Variants in BCL2L1 observed in about 807,000 individuals in gnomAD.
The protein encoded by BCL2L1 is BCL2 like 1, also known as bcl-2-like protein 1.
A neutral mutation model predicts 18.7 loss-of-function variants in BCL2L1; 1 was observed. The ratio of observed to expected loss-of-function variants is 0.05; its 90% CI spans 0.02 to 0.25. BCL2L1 has a LOEUF of 0.25. Ranked by LOEUF, BCL2L1 falls within the 10% of genes least tolerant of loss-of-function variation. The pLI is 1.00. For synonymous variants in BCL2L1, 103 were observed against 122.7 expected, an observed-to-expected ratio of 0.84 and a Z score of 1.06; for missense variants, 207 against 304.9, an observed-to-expected ratio of 0.68 and a Z score of 2.39.
intron 2 of BCL2L1, among the ~76,000 whole-genome samples, chr20:31,687,676 C>CA (rs60094670): frequency 0.011 from 901 of 81,140 alleles, 12 homozygotes; most frequent in East Asian, 0.044. Flanking sequence ...GACTCTGTCT[C>CA]AAAAAAAAAA....
intron 2 of BCL2L1, among the ~76,000 whole-genome samples, chr20:31,675,275 C>T (rs1210228730): frequency 1.3e-5 from 2 of 152,230 alleles, no homozygotes; most frequent in African/African-American, 2.4e-5. Flanking sequence ...GACACCAGAA[C>T]TGTACCTTGT....
chr20:31,706,820 A>G (rs146338045), intron 2 of BCL2L1, among the ~76,000 whole-genome samples: 1 of 152,212 alleles, frequency 6.6e-6, no homozygotes, highest in Non-Finnish European at 1.5e-5. Context: ...TTTTTCATCT[A>G]TCATCTCTTT....
chr20:31,702,599 C>T (rs1216950121), intron 2 of BCL2L1, among the ~76,000 whole-genome samples: 4 of 151,780 alleles, frequency 2.6e-5, no homozygotes, highest in African/African-American at 9.7e-5. Flanking sequence ...ACACAACCTC[C>T]GCCTCCCAGG....
chr20:31,708,926 T>G (rs1440854432), intron 2 of BCL2L1, among the ~76,000 whole-genome samples: 1 of 152,158 alleles, frequency 6.6e-6, no homozygotes, highest in Admixed American at 6.5e-5. Context: ...ATCAATCCTT[T>G]GAATCTGCAC....
chr20:31,723,408 T>TG, upstream of BCL2L1: 3 of 985,480 alleles, frequency 3.0e-6, no homozygotes, highest in Non-Finnish European at 2.4e-6. Context: ...CACGTTTTCC[T>TG]GGGGACAGGC....
chr20:31,675,489 G>A (rs1461316730), intron 2 of BCL2L1, among the ~76,000 whole-genome samples: 1 of 152,194 alleles, frequency 6.6e-6, no homozygotes, highest in South Asian at 2.1e-4. Flanking sequence ...GCAGGGAGTT[G>A]CAGGCGGAGA....
intron 2 of BCL2L1, among the ~76,000 whole-genome samples, chr20:31,714,127 C>A (rs1289798230): frequency 6.6e-6 from 1 of 152,210 alleles, no homozygotes; most frequent in East Asian, 1.9e-4. Flanking sequence ...TATCTGTCAA[C>A]AGGAGAGAGC....
intron 2 of BCL2L1, among the ~76,000 whole-genome samples, chr20:31,685,283 C>A (rs1346908492): frequency 1.3e-5 from 2 of 151,908 alleles, no homozygotes; most frequent in African/African-American, 4.8e-5. Flanking sequence ...GTCTGTAGTC[C>A]CACCTACTCG....
intron 2 of BCL2L1, among the ~76,000 whole-genome samples, chr20:31,714,354 C>T (rs1395476073): frequency 1.3e-5 from 2 of 152,164 alleles, no homozygotes; most frequent in Non-Finnish European, 2.9e-5. Context: ...ACCACCATTG[C>T]ACACAAACAC....
At chr20:31,696,871 C>T (rs1410706181) in intron 2 of BCL2L1, among the ~76,000 whole-genome samples, 5 of 151,968 alleles carry the variant, frequency 3.3e-5, no homozygotes, top group Non-Finnish European at 5.9e-5. Context: ...GCCTGGCCAA[C>T]GTGGTCAAAC....
intron 2 of BCL2L1, among the ~76,000 whole-genome samples, chr20:31,676,276 G>A (rs934425281): frequency 6.6e-6 from 1 of 152,160 alleles, no homozygotes; most frequent in African/African-American, 2.4e-5. Flanking sequence ...TAAAGAATTT[G>A]CTTAATCCTC....
chr20:31,697,442 C>CTT (rs781576582), intron 2 of BCL2L1, among the ~76,000 whole-genome samples: 2 of 142,720 alleles, frequency 1.4e-5, no homozygotes. Flanking sequence ...AGGTGACTTT[C>CTT]TTTTTTTTTT....
chr20:31,681,669 A>G (rs1180295186), intron 2 of BCL2L1, among the ~76,000 whole-genome samples: 1 of 152,182 alleles, frequency 6.6e-6, no homozygotes, highest in Non-Finnish European at 1.5e-5. Flanking sequence ...ATAAAAGTAG[A>G]GCTGAAAGGA....
At chr20:31,713,520 C>T in intron 2 of BCL2L1, 1 of 985,334 alleles carries the variant, frequency 1.0e-6, no homozygotes, top group Non-Finnish European at 1.2e-6. Flanking sequence ...GAAAAACCTC[C>T]AGTTCCGAGG....
chr20:31,677,392 CA>C (rs1365885098), intron 2 of BCL2L1, among the ~76,000 whole-genome samples: 1 of 152,086 alleles, frequency 6.6e-6, no homozygotes, highest in Non-Finnish European at 1.5e-5. Flanking sequence ...CCATGTTGGT[CA>C]GGCTGGTCTC....
At chr20:31,706,844 A>G (rs950249292) in intron 2 of BCL2L1, among the ~76,000 whole-genome samples, 4 of 152,226 alleles carry the variant, frequency 2.6e-5, no homozygotes, top group Non-Finnish European at 4.4e-5. Context: ...CCTCCCTGCT[A>G]GCCCATGAGG....
chr20:31,720,865 C>T (rs1223394429), intron 2 of BCL2L1: 2 of 985,452 alleles, frequency 2.0e-6, no homozygotes, highest in South Asian at 9.4e-5. Context: ...GAAGAGGCCC[C>T]TGGGCTCTGG....
At chr20:31,680,692 G>C (rs1442297530) in intron 2 of BCL2L1, among the ~76,000 whole-genome samples, 4 of 152,164 alleles carry the variant, frequency 2.6e-5, no homozygotes, top group Admixed American at 1.3e-4. Flanking sequence ...TCTTCATTAA[G>C]TGCCCACTAA....
intron 2 of BCL2L1, among the ~76,000 whole-genome samples, chr20:31,718,510 C>T (rs1270138246): frequency 6.6e-6 from 1 of 152,006 alleles, no homozygotes; most frequent in Non-Finnish European, 1.5e-5. Flanking sequence ...ACAAAATTAG[C>T]CAGGTGTGGT....
Sources: allele counts gnomAD v4.1 joint callset (sites outside exome capture counted in the v4.1 genomes callset), GRCh38; gene constraint gnomAD v4.1.1; transcripts MANE v1.5; gene names NCBI Gene and HGNC (gene_info 2026-07-23, HGNC 2026-07-21).